Variants in SLC7A11 observed in about 807,000 individuals in gnomAD.
The protein encoded by SLC7A11 is cystine/glutamate transporter.
Under a neutral mutation model 54.5 loss-of-function variants are expected in SLC7A11, and 35 were observed. That is an observed-to-expected ratio of 0.64 (90% CI 0.49 to 0.85). The LOEUF (loss-of-function observed/expected upper bound fraction) is 0.85. Ranked by LOEUF, SLC7A11 falls within the 40% of genes least tolerant of loss-of-function variation. The pLI is 0.00. For missense variants in SLC7A11, 583 were observed against 618.1 expected, an observed-to-expected ratio of 0.94 and a Z score of 0.60; for synonymous variants, 230 against 225.2, an observed-to-expected ratio of 1.02 and a Z score of -0.19.
At position 138,206,181 on chromosome 4, in the gene SLC7A11, T is replaced by C. The variant is rs146105967; in HGVS notation, c.791+8404A>G. On this transcript the variant is annotated intron_variant, in intron 6 of 11. Coordinates refer to ENST00000280612, the MANE Select transcript of SLC7A11 (RefSeq NM_014331.4). The stretch of plus-strand genomic sequence containing the variant: ...TTCAAGGTCCCCTCTAATTTTGAAA[T>C]TCTGTGATTCTATTATTCTACTCAT... 3.3e-4 allele frequency among the ~76,000 whole-genome samples: 50 copies of C among 151,924 alleles called. No homozygotes were observed. The East Asian group carries it at 8.7e-3, about 27-fold the overall frequency.
At chr4:138,237,048 C>T (rs973065839) in intron 1 of SLC7A11, among the ~76,000 whole-genome samples, 1 of 142,584 alleles carries the variant, frequency 7.0e-6, no homozygotes, top group Admixed American at 7.4e-5. Context: ...TGCAGTGGCG[C>T]GATCTCGGCT....
chr4:138,182,305 TA>T lies in SLC7A11; in HGVS notation c.1107del (p.Ile370LeufsTer6). The T allele has an allele frequency of 6.2e-7, 1 of 1,603,424 alleles. No individual in the cohort carries two copies. Among genetic ancestry groups the T allele is most frequent in the Non-Finnish European group, 8.5e-7 (1 of 1,170,768 alleles). The stretch of plus-strand genomic sequence containing the variant: ...TTGTTAATATGCATTACCAAAACAA[TA>T]ACAGCTGGTAGAGGAGTGTGCTTGC... ...HVRKHTPLPAVIVLHPLTMIM... is the reference protein window; with the variant it reads ...HVRKHTPLPAXIVLHPLTMIM... On this transcript the variant is annotated frameshift_variant, in exon 9 of 12. Coordinates refer to ENST00000280612, the MANE Select transcript of SLC7A11 (RefSeq NM_014331.4). LOFTEE classifies it high-confidence loss of function.
chr4:138,231,665 T>G (rs1177313899), intron 3 of SLC7A11, among the ~76,000 whole-genome samples: 1 of 152,206 alleles, frequency 6.6e-6, no homozygotes, highest in Admixed American at 6.5e-5. Flanking sequence ...GTACATGTTC[T>G]TCTTTTTGTT....
intron 10 of SLC7A11, 135 bp downstream of exon 10, chr4:138,180,506 G>T: frequency 1.3e-6 from 1 of 791,386 alleles, no homozygotes; most frequent in Non-Finnish European, 1.9e-6. Context: ...GGAAAGCACT[G>T]CCTGCAAGAG....
chr4:138,176,690 C>G (rs1274752976), intron 11 of SLC7A11: 1 of 152,166 alleles, frequency 6.6e-6, no homozygotes, highest in South Asian at 2.1e-4. Context: ...TCTAGTCTAA[C>G]TCTAGGACCA....
chr4:138,195,351 T>G (rs72933862), intron 6 of SLC7A11, among the ~76,000 whole-genome samples: 5,142 of 152,302 alleles, frequency 0.034, 108 homozygotes, highest in African/African-American at 0.044. Context: ...TTCAGGAGGA[T>G]ATTTCCCATT....
intron 6 of SLC7A11, among the ~76,000 whole-genome samples, chr4:138,198,518 T>C (rs992933934): frequency 1.3e-5 from 2 of 152,174 alleles, no homozygotes; most frequent in Non-Finnish European, 2.9e-5. Flanking sequence ...ATTTTTGCCT[T>C]TCAATTAACC....
Position 138,170,246 on chromosome 4 carries a change from GTGTGTATATATATA to G in SLC7A11, c.*1696_*1709del, listed in dbSNP as rs1736383154. 12 of 82,894 alleles carry G rather than the reference GTGTGTATATATATA, an allele frequency of 1.4e-4. No individual in the cohort carries two copies. The South Asian group carries it at 1.7e-3, about 12-fold the overall frequency. The allele number at this position is 82,894 out of a possible 1,614,324, so 5.1% of individuals were successfully genotyped here. On this transcript the variant is annotated 3_prime_UTR_variant, in exon 12 of 12. Coordinates refer to ENST00000280612, the MANE Select transcript of SLC7A11 (RefSeq NM_014331.4). ...ATATATATAAAAAGTGTGTGTGTGT[GTGTGTATATATATA>G]TATATATATATACACACACACACAC...
Position 138,236,389 on chromosome 4 carries a change from T to C in SLC7A11, c.340A>G (p.Ile114Val). ...IKKSGGHYTY[I>V]LEVFGPLPAF... Reference sequence around the variant, plus strand: ...GGTAATGGACCAAAGACTTCCAAAATATATGTGTAATGACCTCCAGATTTC... The same window carrying C: ...GGTAATGGACCAAAGACTTCCAAAACATATGTGTAATGACCTCCAGATTTC... Residue 114 changes from isoleucine (I) to valine (V), a missense_variant, in exon 2 of 12, where the codon ATT (isoleucine) becomes GTT (valine). Coordinates refer to ENST00000280612, the MANE Select transcript of SLC7A11 (RefSeq NM_014331.4). The C allele has an allele frequency of 6.2e-7, 1 of 1,613,404 alleles. No individual in the cohort carries two copies. Among genetic ancestry groups the C allele is most frequent in the South Asian group, 1.1e-5 (1 of 91,058 alleles).
chr4:138,196,626 T>TTTTAA (rs200356272), intron 6 of SLC7A11, among the ~76,000 whole-genome samples: 1,671 of 152,060 alleles, frequency 0.011, 14 homozygotes, highest in East Asian at 0.042. Context: ...TGTTGCCTTT[T>TTTTAA]TTTAATTTAA....
intron 1 of SLC7A11, among the ~76,000 whole-genome samples, chr4:138,238,411 A>G (rs975887340): frequency 1.3e-5 from 2 of 152,204 alleles, no homozygotes; most frequent in African/African-American, 4.8e-5. Flanking sequence ...GCTCAAATGT[A>G]AGAACACAAT....
Position 138,223,275 on chromosome 4 carries a change from G to C in SLC7A11, c.570C>G (p.Ile190Met), listed in dbSNP as rs1737859808. ...GCTTGCAAAAGGTTAAGAAAATCTG[G>C]ATCCGGGCGCTCCAGCTGACACTCA... ...NSMSVSWSARIQIFLTFCKLT... is the reference protein window; with the variant it reads ...NSMSVSWSARMQIFLTFCKLT... The change falls in exon 4 of 12, where the codon ATC (isoleucine) becomes ATG (methionine). Residue 190 changes from isoleucine to methionine, a missense_variant. Coordinates refer to ENST00000280612, the MANE Select transcript of SLC7A11 (RefSeq NM_014331.4). The C allele has an allele frequency of 6.2e-7, 1 of 1,613,490 alleles. No homozygotes were observed.
At chr4:138,223,075 T>C (rs867013478) in intron 4 of SLC7A11, 124 bp downstream of exon 4, 2 of 830,830 alleles carry the variant, frequency 2.4e-6, no homozygotes, top group East Asian at 5.1e-5. Flanking sequence ...TAGATGACAA[T>C]ATAGAGTTTA....
In SLC7A11 at chr4:138,171,714, T is replaced by C. The variant is rs574302799; in HGVS notation, c.*242A>G. On this transcript the variant is annotated 3_prime_UTR_variant, in exon 12 of 12. Coordinates refer to ENST00000280612, the MANE Select transcript of SLC7A11 (RefSeq NM_014331.4). ...TTCTCCTAACCCCAATAGGTAGGTA[T>C]CAGAGACTCAAGAATTGTGCGACTC... The C allele has an allele frequency of 3.1e-4, 136 of 435,700 alleles. No homozygotes were observed. The South Asian group carries it at 4.3e-3, about 14-fold the overall frequency. 27.0% of individuals were successfully genotyped at this position (435,700 alleles called of 1,614,324 possible). A position where few individuals can be genotyped will look rare whatever the true frequency, so the allele number is the denominator to read the frequency against.
chr4:138,217,531 T>G (rs1737707867), intron 5 of SLC7A11, among the ~76,000 whole-genome samples: 1 of 152,178 alleles, frequency 6.6e-6, no homozygotes, highest in Non-Finnish European at 1.5e-5. Context: ...GCAAGTGACC[T>G]GAATTTTTAG....
intron 6 of SLC7A11, among the ~76,000 whole-genome samples, chr4:138,190,887 G>A (rs769140083): frequency 6.6e-6 from 1 of 152,040 alleles, no homozygotes; most frequent in Non-Finnish European, 1.5e-5. Context: ...TTGGACTACA[G>A]ATGACTGAGA....
rs1736391444 is a variant in SLC7A11, at chr4:138,170,277, C to CACACACACAATATATAT, written c.*1678_*1679insATATATATTGTGTGTGT. 3 of 94,876 alleles carry CACACACACAATATATAT rather than the reference C, an allele frequency of 3.2e-5. No individual in the cohort carries two copies. The highest frequency in any genetic ancestry group is 1.1e-4 in the African/African-American group (3 of 27,178). 5.9% of individuals were successfully genotyped at this position (94,876 alleles called of 1,614,324 possible). On this transcript the variant is annotated 3_prime_UTR_variant, in exon 12 of 12. Coordinates refer to ENST00000280612, the MANE Select transcript of SLC7A11 (RefSeq NM_014331.4). ...ATATATATATATATATATATACACACACACACACACACACACATACACACA... is the reference window on the plus strand; with the variant it reads ...ATATATATATATATATATATACACACACACACACAATATATATACACACACACACACACATACACACA...
chr4:138,194,856 A>G (rs1423038921), intron 6 of SLC7A11, among the ~76,000 whole-genome samples: 11 of 152,196 alleles, frequency 7.2e-5, no homozygotes, highest in Non-Finnish European at 1.2e-4. Context: ...AAAGTTCATT[A>G]TTTAATAATT....
At chr4:138,235,208 A>G (rs1021479070) in intron 2 of SLC7A11, among the ~76,000 whole-genome samples, 16 of 152,192 alleles carry the variant, frequency 1.1e-4, no homozygotes, top group African/African-American at 3.6e-4. Context: ...GTGGGAAAGA[A>G]AGGATTTAAG....
Sources: allele counts gnomAD v4.1 joint callset (sites outside exome capture counted in the v4.1 genomes callset), GRCh38; gene constraint gnomAD v4.1.1; transcripts MANE v1.5; gene names NCBI Gene and HGNC (gene_info 2026-07-23, HGNC 2026-07-21).